The following CDIN1 variants were observed in gnomAD, a reference collection of about 807,000 sequenced individuals.
The protein encoded by CDIN1 is CDAN1 interacting nuclease 1.
In CDIN1, 33 loss-of-function variants were observed where a neutral mutation model predicts 45.3. The ratio of observed to expected loss-of-function variants is 0.73; its 90% confidence interval spans 0.55 to 0.97. The LOEUF (loss-of-function observed/expected upper bound fraction) is 0.97, where lower values mean the gene tolerates loss of function less well. Among genes scored for constraint, CDIN1 ranks in the 50% least tolerant of loss-of-function variants. CDIN1 has a pLI of 0.00. For missense variants in CDIN1, 303 were observed against 339.4 expected, an observed-to-expected ratio of 0.89 and a Z score of 0.84; for synonymous variants, 118 against 124.4, an observed-to-expected ratio of 0.95 and a Z score of 0.34.
At chr15:36,677,841 A>G (rs1474428993) in intron 5 of CDIN1, among the ~76,000 whole-genome samples, 1 of 152,144 alleles carries the variant, frequency 6.6e-6, no homozygotes, top group African/African-American at 2.4e-5. Flanking sequence ...GAGTGTGGAG[A>G]AGAATTCAGT....
At chr15:36,780,371 A>G (rs2054320294) in intron 10 of CDIN1, among the ~76,000 whole-genome samples, 1 of 152,220 alleles carries the variant, frequency 6.6e-6, no homozygotes, top group African/African-American at 2.4e-5. Context: ...AACCAAAACT[A>G]TCAAACATTT....
chr15:36,765,705 C>A (rs8038921), intron 10 of CDIN1, among the ~76,000 whole-genome samples: 20,900 of 152,104 alleles, frequency 0.14, 1,616 homozygotes, highest in African/African-American at 0.19. Flanking sequence ...AATGGATCTA[C>A]ATTTTTAACA....
intron 10 of CDIN1, among the ~76,000 whole-genome samples, chr15:36,732,387 CA>C (rs5811932): frequency 0.24 from 36,100 of 148,482 alleles, 4,399 homozygotes; most frequent in East Asian, 0.3. Context: ...CATCAGACTA[CA>C]AAAAAAAAAT....
chr15:36,663,279 G>A (rs1310333979), intron 5 of CDIN1, among the ~76,000 whole-genome samples: 1 of 152,118 alleles, frequency 6.6e-6, no homozygotes, highest in Non-Finnish European at 1.5e-5. Context: ...AAATTAACAG[G>A]GAATGGGAAG....
intron 10 of CDIN1, among the ~76,000 whole-genome samples, chr15:36,714,946 C>G (rs1044035786): frequency 6.6e-6 from 1 of 152,130 alleles, no homozygotes; most frequent in African/African-American, 2.4e-5. Flanking sequence ...TTCCTTGGCC[C>G]CATAAACTCC....
intron 3 of CDIN1, among the ~76,000 whole-genome samples, chr15:36,652,843 T>C (rs2040627068): frequency 6.6e-6 from 1 of 152,220 alleles, no homozygotes; most frequent in Non-Finnish European, 1.5e-5. Context: ...CTGGCAGTTA[T>C]ATGGAAGACC....
At chr15:36,753,613 T>C (rs986959844) in intron 10 of CDIN1, among the ~76,000 whole-genome samples, 1 of 110,272 alleles carries the variant, frequency 9.1e-6, no homozygotes, top group Non-Finnish European at 1.8e-5. Context: ...ACATGTACTT[T>C]TTTATTAAAA....
chr15:36,600,828 CTT>C (rs1191478113), intron 1 of CDIN1, among the ~76,000 whole-genome samples: 1 of 152,082 alleles, frequency 6.6e-6, no homozygotes, highest in Admixed American at 6.5e-5. Flanking sequence ...GTTTATGAAA[CTT>C]TGATGTAAAA....
At chr15:36,623,129 G>A (rs1036727804) in intron 1 of CDIN1, among the ~76,000 whole-genome samples, 1 of 151,866 alleles carries the variant, frequency 6.6e-6, no homozygotes, top group Non-Finnish European at 1.5e-5. Context: ...TTTTTGATTG[G>A]GTTGTGTTAT....
chr15:36,640,952 A>G (rs2040079450), intron 1 of CDIN1, among the ~76,000 whole-genome samples: 1 of 152,216 alleles, frequency 6.6e-6, no homozygotes, highest in Non-Finnish European at 1.5e-5. Context: ...TTTAAACTCT[A>G]TATGGGAAAA....
intron 1 of CDIN1, among the ~76,000 whole-genome samples, chr15:36,616,453 T>C (rs2140293222): frequency 6.6e-6 from 1 of 152,182 alleles, no homozygotes; most frequent in Middle Eastern, 3.4e-3. Flanking sequence ...CGGCTAATTT[T>C]GTATTTTTAG....
intron 3 of CDIN1, among the ~76,000 whole-genome samples, chr15:36,645,525 T>TGTGTGC (rs1479772465): frequency 1.3e-5 from 2 of 151,758 alleles, no homozygotes. Context: ...TGTGTGTGTG[T>TGTGTGC]GTGTGTGCCC....
intron 8 of CDIN1, 86 bp from the exon 9 acceptor site, chr15:36,709,137 T>G: frequency 1.8e-6 from 2 of 1,133,460 alleles, no homozygotes; most frequent in Admixed American, 2.8e-5. Flanking sequence ...GTAATTTTTA[T>G]ACATATTTAA....
intron 1 of CDIN1, among the ~76,000 whole-genome samples, chr15:36,630,721 T>C (rs1566848630): frequency 1.3e-5 from 2 of 152,118 alleles, no homozygotes; most frequent in South Asian, 2.1e-4. Context: ...AGAAGCAGGG[T>C]GCTGGCTTCT....
chr15:36,758,310 A>C (rs776515395), intron 10 of CDIN1, among the ~76,000 whole-genome samples: 1 of 152,192 alleles, frequency 6.6e-6, no homozygotes, highest in Non-Finnish European at 1.5e-5. Context: ...ATGTGGCTAC[A>C]GTGTGAAATA....
intron 1 of CDIN1, among the ~76,000 whole-genome samples, chr15:36,585,025 T>C (rs928177243): frequency 1.3e-5 from 2 of 152,262 alleles, no homozygotes; most frequent in East Asian, 3.8e-4. Flanking sequence ...TTAATCTTTC[T>C]TGTGGACATT....
intron 5 of CDIN1, among the ~76,000 whole-genome samples, chr15:36,679,949 A>G (rs1311752084): frequency 1.3e-5 from 2 of 152,210 alleles, no homozygotes; most frequent in African/African-American, 2.4e-5. Flanking sequence ...CAAATTGCCA[A>G]ATAATGAGCA....
At chr15:36,702,136 G>A (rs1224360425) in intron 8 of CDIN1, 2 of 702,054 alleles carry the variant, frequency 2.8e-6, no homozygotes, top group South Asian at 3.0e-5. Context: ...TAGGCTGAAG[G>A]GAATGGAGAT....
At chr15:36,688,852 A>G (rs2042146937) in intron 5 of CDIN1, among the ~76,000 whole-genome samples, 1 of 152,220 alleles carries the variant, frequency 6.6e-6, no homozygotes. Flanking sequence ...GATCTGAGAC[A>G]CCAACATACT....
Sources: gnomAD v4.1 joint callset for allele counts (sites outside exome capture counted in the v4.1 genomes callset) on GRCh38, gnomAD v4.1.1 for gene constraint, MANE v1.5 for transcripts, NCBI Gene and HGNC (gene_info 2026-07-23, HGNC 2026-07-21) for gene names.